The following PRH1 variants were observed in gnomAD, a reference collection of about 807,000 sequenced individuals.
PRH1 encodes proline rich protein HaeIII subfamily 1, also known as salivary acidic proline-rich phosphoprotein 1/2.
Under a neutral mutation model 7.9 loss-of-function variants are expected in PRH1, and 7 were observed. The observed-to-expected ratio is 0.89, with a 90% CI of 0.50 to 1.67. The LOEUF (loss-of-function observed/expected upper bound fraction) is 1.67, where lower values mean the gene tolerates loss of function less well. PRH1 is among the 40% of genes most tolerant of loss of function. PRH1 has a pLI of 0.00. For synonymous variants in PRH1, 45 were observed against 80.8 expected, an observed-to-expected ratio of 0.56 and a Z score of 2.38; for missense variants, 109 against 223.6, an observed-to-expected ratio of 0.49 and a Z score of 3.27.
chr12:10,914,951 A>AC lies in PRH1; in HGVS notation c.-58-30677dup, dbSNP rs796535661. Among the ~76,000 whole-genome samples, 8 of 152,188 alleles carry AC rather than the reference A, an allele frequency of 5.3e-5. 1 individual carries two copies. The highest frequency in any genetic ancestry group is 1.9e-4 in the African/African-American group (8 of 41,538). On this transcript the variant is annotated intron_variant, in intron 2 of 3. Transcript: ENST00000539853. ...AGACCACCCTGGCTAACACGGTGAA[A>AC]CCCCATCTCTACTATTAATACAAAC... is the stretch of plus-strand genomic sequence containing the variant.
intron 2 of PRH1, among the ~76,000 whole-genome samples, chr12:10,911,895 CT>C (rs1156975372): frequency 6.6e-6 from 1 of 152,130 alleles, no homozygotes; most frequent in Non-Finnish European, 1.5e-5. Context: ...ATCACAACCC[CT>C]ATCTTCATTC....
chr12:10,960,360 A>G (rs1467426050), intron 2 of PRH1, among the ~76,000 whole-genome samples: 1 of 152,236 alleles, frequency 6.6e-6, no homozygotes, highest in Non-Finnish European at 1.5e-5. Context: ...CAGTTAACCT[A>G]TCTGGCCTCT....
intron 2 of PRH1, chr12:10,964,680 T>C (rs1938417146): frequency 1.6e-6 from 1 of 613,172 alleles, no homozygotes; most frequent in Non-Finnish European, 2.9e-6. Context: ...AAAGCTTTTA[T>C]GTGGACCTTG....
intron 1 of PRH1, among the ~76,000 whole-genome samples, chr12:11,054,965 G>A (rs893231306): frequency 7.3e-6 from 1 of 137,324 alleles, no homozygotes; most frequent in Admixed American, 7.5e-5. Flanking sequence ...CTGCCTCACT[G>A]CAAGCTCCAT....
chr12:10,957,141 G>A (rs1286165494), intron 2 of PRH1, among the ~76,000 whole-genome samples: 2 of 150,336 alleles, frequency 1.3e-5, no homozygotes, highest in Non-Finnish European at 3.0e-5. Context: ...AAAGCAGGAA[G>A]TATAACATTA....
rs539447925 is a variant in PRH1, at chr12:11,115,018, T to C, written n.123+56404A>G. On this transcript the variant is annotated intron_variant and non_coding_transcript_variant, in intron 1 of 4. Transcript: ENST00000541977. ...GACCACAACATAACCAGAAAACAAA[T>C]AACAAAATGACAAAAGTAAGTCCTA... Among the ~76,000 whole-genome samples the C allele has an allele frequency of 1.5e-4, 23 of 151,824 alleles. No homozygotes were observed. The East Asian group carries it at 4.3e-3, about 28-fold the overall frequency.
intron 1 of PRH1, among the ~76,000 whole-genome samples, chr12:11,087,041 T>C (rs1944730588): frequency 8.7e-6 from 1 of 115,248 alleles, no homozygotes; most frequent in South Asian, 2.4e-4. Context: ...CCAAAGATTG[T>C]TCATTATCGA....
chr12:10,885,391 A>G (rs1200694752), upstream of PRH1, among the ~76,000 whole-genome samples: 1 of 151,798 alleles, frequency 6.6e-6, no homozygotes, highest in African/African-American at 2.4e-5. Context: ...TTTTCGTCCT[A>G]TATCTTTTTT....
chr12:10,955,355 G>A (rs1464041499), intron 2 of PRH1, among the ~76,000 whole-genome samples: 1 of 152,022 alleles, frequency 6.6e-6, no homozygotes, highest in Non-Finnish European at 1.5e-5. Context: ...TTGAAATTAA[G>A]GCAGAAATCA....
intron 2 of PRH1, among the ~76,000 whole-genome samples, chr12:10,904,552 T>A (rs866615621): frequency 5.3e-5 from 8 of 152,286 alleles, no homozygotes; most frequent in Middle Eastern, 3.4e-3. Context: ...AATTTAAATG[T>A]AAGACTTTAT....
Position 11,153,607 on chromosome 12 carries a change from T to C in PRH1, n.39+17815A>G, listed in dbSNP as rs544446271. ...TCTTCCTTCCCTTGCCTTAAAAACCTGTAATGAGTTACCTTGAGCTGTTTG... is the reference window on the plus strand; with the variant it reads ...TCTTCCTTCCCTTGCCTTAAAAACCCGTAATGAGTTACCTTGAGCTGTTTG... On this transcript the variant is annotated intron_variant and non_coding_transcript_variant, in intron 1 of 1. Coordinates refer to the PRH1 transcript ENST00000541175. Among the ~76,000 whole-genome samples, 623 of 152,294 alleles carry C rather than the reference T, an allele frequency of 4.1e-3. 6 individuals are homozygous for C. Among genetic ancestry groups the C allele is most frequent in the African/African-American group, 0.014 (563 of 41,562 alleles).
At chr12:10,986,607 T>C (rs1252446000) in intron 1 of PRH1, 2 of 1,614,048 alleles carry the variant, frequency 1.2e-6, no homozygotes, top group Middle Eastern at 1.6e-4. Flanking sequence ...CCAGGCATTA[T>C]AAGAAGTAAT....
intron 1 of PRH1, among the ~76,000 whole-genome samples, chr12:11,132,229 G>C (rs1287322141): frequency 3.1e-5 from 1 of 32,744 alleles, no homozygotes; most frequent in Non-Finnish European, 1.2e-4. Flanking sequence ...AATTACACTA[G>C]GACAAATCCC....
intron 1 of PRH1, among the ~76,000 whole-genome samples, chr12:11,105,702 T>A (rs1004912888): frequency 6.6e-6 from 1 of 152,152 alleles, no homozygotes; most frequent in Non-Finnish European, 1.5e-5. Flanking sequence ...CTTCAGTTGT[T>A]AGAGAAATTT....
chr12:11,042,527 A>G (rs1360407980), intron 1 of PRH1, among the ~76,000 whole-genome samples: 1 of 144,904 alleles, frequency 6.9e-6, no homozygotes, highest in Non-Finnish European at 1.5e-5. Flanking sequence ...AGACGGCTTT[A>G]GATCTGAATT....
At chr12:11,072,459 C>A (rs1276118127) in intron 1 of PRH1, among the ~76,000 whole-genome samples, 2 of 152,196 alleles carry the variant, frequency 1.3e-5, no homozygotes, top group Non-Finnish European at 2.9e-5. Context: ...GAGTAAGGGA[C>A]ACTATTAGAG....
chr12:11,071,123 C>T (rs1944047571), intron 1 of PRH1, among the ~76,000 whole-genome samples: 1 of 87,952 alleles, frequency 1.1e-5, no homozygotes, highest in South Asian at 3.1e-4. Flanking sequence ...CTATGTGCTC[C>T]GAGACCAATC....
At chr12:11,083,249 G>T (rs74479711) in intron 1 of PRH1, among the ~76,000 whole-genome samples, 29,865 of 63,020 alleles carry the variant, frequency 0.47, 8,699 homozygotes, top group Non-Finnish European at 0.63. Context: ...GAAGAAAAAA[G>T]GTGTCTAGCA....
At chr12:11,168,662 CCTA>C (rs1947713346) in intron 1 of PRH1, among the ~76,000 whole-genome samples, 1 of 152,150 alleles carries the variant, frequency 6.6e-6, no homozygotes, top group Non-Finnish European at 1.5e-5. Context: ...GCAGAAGGCT[CCTA>C]CTATCTGGAA....
Sources: gnomAD v4.1 joint callset for allele counts (sites outside exome capture counted in the v4.1 genomes callset) on GRCh38, gnomAD v4.1.1 for gene constraint, MANE v1.5 for transcripts, NCBI Gene and HGNC (gene_info 2026-07-23, HGNC 2026-07-21) for gene names.